The following SSH2 variants were observed in gnomAD, a reference collection of about 807,000 sequenced individuals.
SSH2 encodes slingshot protein phosphatase 2.
SSH2 carries 37 observed loss-of-function variants against 135.2 expected under a neutral mutation model. The observed-to-expected ratio is 0.27, with a 90% CI of 0.21 to 0.36. The LOEUF is 0.36. Ranked by LOEUF, SSH2 falls within the 10% of genes least tolerant of loss-of-function variation. SSH2 has a pLI of 1.00. For missense variants in SSH2, 1,408 were observed against 1,765.3 expected (o/e 0.80, Z 3.63); for synonymous variants, 628 against 646.2 (o/e 0.97, Z 0.43).
chr17:29,855,933 T>C (rs2065654625), intron 1 of SSH2: 2 of 266,388 alleles, frequency 7.5e-6, no homozygotes, highest in Non-Finnish European at 1.4e-5. Flanking sequence ...TGACAAATGA[T>C]TGGGAAATAG....
intron 3 of SSH2, among the ~76,000 whole-genome samples, chr17:29,750,882 T>G (rs573126126): frequency 1.3e-5 from 2 of 151,880 alleles, no homozygotes; most frequent in African/African-American, 2.4e-5. Context: ...AAAAGTATTT[T>G]TTTTTACTCT....
chr17:29,913,795 G>A (rs998792292), intron 1 of SSH2, among the ~76,000 whole-genome samples: 11 of 151,588 alleles, frequency 7.3e-5, no homozygotes, highest in East Asian at 1.9e-4. Flanking sequence ...CCACCACGCC[G>A]GCCTAATTTT....
intron 2 of SSH2, among the ~76,000 whole-genome samples, chr17:29,841,074 TG>T (rs2151378781): frequency 6.6e-6 from 1 of 152,278 alleles, no homozygotes; most frequent in African/African-American, 2.4e-5. Flanking sequence ...TGGTTATTCC[TG>T]GTGTATGATG....
chr17:29,910,471 C>A (rs1006624465), intron 1 of SSH2, among the ~76,000 whole-genome samples: 6 of 152,046 alleles, frequency 3.9e-5, no homozygotes, highest in Non-Finnish European at 7.4e-5. Flanking sequence ...AACTGAATTC[C>A]CAAAATAACA....
intron 1 of SSH2, among the ~76,000 whole-genome samples, chr17:29,905,961 G>T (rs1599172824): frequency 6.6e-6 from 1 of 152,198 alleles, no homozygotes; most frequent in East Asian, 1.9e-4. Context: ...CTGCAGAGAA[G>T]AACTACCCTC....
At chr17:29,701,888 A>AT (rs1456676790) in intron 4 of SSH2, among the ~76,000 whole-genome samples, 26 of 144,988 alleles carry the variant, frequency 1.8e-4, no homozygotes, top group South Asian at 4.4e-4. Context: ...GCTAATTTAA[A>AT]ATTTTTTTTT....
intron 2 of SSH2, among the ~76,000 whole-genome samples, chr17:29,840,950 TTAAC>T (rs2043030325): frequency 6.6e-6 from 1 of 152,176 alleles, no homozygotes. Flanking sequence ...CTTGAGCTCT[TTAAC>T]TACTACATGA....
chr17:29,667,013 T>C lies in SSH2; in HGVS notation c.904-18A>G. 6.2e-7 allele frequency: 1 copy of C among 1,614,058 alleles called. No individual in the cohort carries two copies. Among genetic ancestry groups the C allele is most frequent in the Non-Finnish European group, 8.5e-7 (1 of 1,179,980 alleles). ...GTTCTTATCTGAAACAAAGATGATA[T>C]ATTGGACCCATCTCTTAAAGTCCCT... On this transcript the variant is annotated intron_variant, in intron 10 of 15. Coordinates refer to ENST00000540801, the MANE Select transcript of SSH2 (RefSeq NM_001282129.2).
chr17:29,653,481 A>G (rs1198664652), intron 12 of SSH2, among the ~76,000 whole-genome samples: 1 of 152,204 alleles, frequency 6.6e-6, no homozygotes, highest in Non-Finnish European at 1.5e-5. Context: ...GTTATATTCT[A>G]AATTCATATG....
chr17:29,761,383 G>A, intron 3 of SSH2: 3 of 1,065,524 alleles, frequency 2.8e-6, no homozygotes, highest in Non-Finnish European at 3.4e-6. Flanking sequence ...CCGCCGGGTC[G>A]CGCGGAGGCA....
intron 4 of SSH2, among the ~76,000 whole-genome samples, chr17:29,696,325 C>CATAT: frequency 6.8e-6 from 1 of 148,126 alleles, no homozygotes; most frequent in Admixed American, 6.8e-5. Flanking sequence ...AATATACATA[C>CATAT]ATATATACAC....
At chr17:29,746,686 G>C (rs2040776755) in intron 3 of SSH2, among the ~76,000 whole-genome samples, 1 of 151,982 alleles carries the variant, frequency 6.6e-6, no homozygotes. Context: ...GGTCAGAGGA[G>C]AGTCCTGAAG....
chr17:29,826,455 T>C (rs2042746147), intron 2 of SSH2, among the ~76,000 whole-genome samples: 2 of 152,170 alleles, frequency 1.3e-5, no homozygotes, highest in Non-Finnish European at 2.9e-5. Flanking sequence ...GATATTGTAT[T>C]ATACAAGATG....
At chr17:29,905,228 C>A (rs1308218533) in intron 1 of SSH2, among the ~76,000 whole-genome samples, 1 of 152,146 alleles carries the variant, frequency 6.6e-6, no homozygotes, top group Non-Finnish European at 1.5e-5. Context: ...CATTACACTA[C>A]CCAACTTCAA....
chr17:29,647,539 A>G (rs898348135), intron 14 of SSH2, among the ~76,000 whole-genome samples: 3 of 151,868 alleles, frequency 2.0e-5, no homozygotes, highest in Non-Finnish European at 4.4e-5. Context: ...CATCCTTTAT[A>G]ATTATATCAA....
intron 1 of SSH2, among the ~76,000 whole-genome samples, chr17:29,876,012 T>TCCATGTTCA (rs2066023549): frequency 6.7e-6 from 1 of 149,080 alleles, no homozygotes; most frequent in East Asian, 1.9e-4. Flanking sequence ...GGAAAGATAT[T>TCCATGTTCA]CCATGTTCAT....
chr17:29,665,745 A>G (rs2037243429), intron 11 of SSH2, among the ~76,000 whole-genome samples: 1 of 152,234 alleles, frequency 6.6e-6, no homozygotes, highest in African/African-American at 2.4e-5. Flanking sequence ...TAAGAACTAA[A>G]ACTCTAACAC....
At chr17:29,842,214 G>A (rs899307597) in intron 2 of SSH2, among the ~76,000 whole-genome samples, 1 of 151,962 alleles carries the variant, frequency 6.6e-6, no homozygotes, top group Non-Finnish European at 1.5e-5. Flanking sequence ...AGCACTCTGG[G>A]AGGCCGAGGC....
At chr17:29,676,921 A>G (rs772369315) in intron 7 of SSH2, 36 bp from the exon 8 acceptor site, 2 of 1,561,934 alleles carry the variant, frequency 1.3e-6, no homozygotes, top group Admixed American at 3.3e-5. Flanking sequence ...AAATCCACAA[A>G]TTAGGGTAGG....
Sources: allele counts gnomAD v4.1 joint callset (sites outside exome capture counted in the v4.1 genomes callset), GRCh38; gene constraint gnomAD v4.1.1; transcripts MANE v1.5; gene names NCBI Gene and HGNC (gene_info 2026-07-23, HGNC 2026-07-21).